Variants in TMEM132B observed in about 807,000 individuals in gnomAD.
TMEM132B encodes transmembrane protein 132B.
A neutral mutation model predicts 90.8 loss-of-function variants in TMEM132B; 18 were observed. The ratio of observed to expected loss-of-function variants is 0.20; its 90% CI spans 0.14 to 0.29. TMEM132B has a LOEUF of 0.29. Ranked by LOEUF, TMEM132B falls within the 10% of genes least tolerant of loss-of-function variation. The pLI is 1.00. For synonymous variants in TMEM132B, 504 were observed against 523.3 expected (o/e 0.96, Z 0.50); for missense variants, 1,096 against 1,326.8 (o/e 0.83, Z 2.70).
intron 4 of TMEM132B, among the ~76,000 whole-genome samples, chr12:125,569,711 A>G (rs1039166860): frequency 2.0e-5 from 3 of 152,174 alleles, no homozygotes; most frequent in Admixed American, 6.5e-5. Flanking sequence ...GCGGGGCACA[A>G]GGAATGAACT....
intron 1 of TMEM132B, among the ~76,000 whole-genome samples, chr12:125,241,424 A>C (rs1162627496): frequency 6.6e-6 from 1 of 152,034 alleles, no homozygotes; most frequent in Non-Finnish European, 1.5e-5. Flanking sequence ...TCATGATGTG[A>C]GTTTTTTCCA....
chr12:125,467,646 A>G (rs1433146184), intron 3 of TMEM132B, among the ~76,000 whole-genome samples: 1 of 152,238 alleles, frequency 6.6e-6, no homozygotes, highest in Non-Finnish European at 1.5e-5. Context: ...TTTAAAGTGT[A>G]CAGTTCAGTG....
Position 125,373,099 on chromosome 12 carries a change from C to T in TMEM132B, c.959+22756C>T, listed in dbSNP as rs1268330177. Among the ~76,000 whole-genome samples the T allele has an allele frequency of 8.5e-5, 13 of 152,312 alleles. No homozygotes were observed. The East Asian group carries it at 2.5e-3, about 29-fold the overall frequency. Reference sequence around the variant, plus strand: ...CCTGAAGTGAAGTTATTTATTTGTTCACTTATTTGTCATCTGTTTCCCCCA... The same window carrying T: ...CCTGAAGTGAAGTTATTTATTTGTTTACTTATTTGTCATCTGTTTCCCCCA... On this transcript the variant is annotated intron_variant, in intron 2 of 8. Transcript: ENST00000682704.
chr12:125,279,329 G>C (rs1044810235), intron 1 of TMEM132B, among the ~76,000 whole-genome samples: 1 of 152,216 alleles, frequency 6.6e-6, no homozygotes, highest in East Asian at 1.9e-4. Flanking sequence ...GTTGACCTTT[G>C]GCTGGTGTTT....
chr12:125,211,058 G>A (rs1470932980), intron 1 of TMEM132B, among the ~76,000 whole-genome samples: 2 of 148,430 alleles, frequency 1.3e-5, no homozygotes, highest in East Asian at 4.0e-4. Context: ...GCAACAGTGA[G>A]ACTCCATCTC....
intron 2 of TMEM132B, among the ~76,000 whole-genome samples, chr12:125,395,137 C>T (rs1879134554): frequency 6.6e-6 from 1 of 152,106 alleles, no homozygotes; most frequent in South Asian, 2.1e-4. Flanking sequence ...CTGTGAGGAC[C>T]CAGGCTAGTT....
intron 3 of TMEM132B, among the ~76,000 whole-genome samples, chr12:125,518,566 A>G (rs1013414797): frequency 2.6e-5 from 4 of 152,128 alleles, no homozygotes; most frequent in Admixed American, 6.5e-5. Flanking sequence ...GTCATTCACA[A>G]TCCTGTGCTG....
chr12:125,600,210 A>G (rs894870387), intron 5 of TMEM132B, among the ~76,000 whole-genome samples: 7 of 152,234 alleles, frequency 4.6e-5, no homozygotes, highest in African/African-American at 1.4e-4. Context: ...CAAGACACAG[A>G]AAACACTGGA....
chr12:125,651,090 C>A, intron 7 of TMEM132B, 137 bp downstream of exon 7: 4 of 1,211,730 alleles, frequency 3.3e-6, no homozygotes, highest in South Asian at 1.5e-5. Context: ...GCATGTATTG[C>A]CTCTGTTTGT....
chr12:125,296,598 C>A (rs558157316), intron 1 of TMEM132B, among the ~76,000 whole-genome samples: 1 of 152,196 alleles, frequency 6.6e-6, no homozygotes, highest in Non-Finnish European at 1.5e-5. Flanking sequence ...TGCTGTTGGT[C>A]TCCCCCAACA....
intron 3 of TMEM132B, among the ~76,000 whole-genome samples, chr12:125,464,745 C>T (rs1204431341): frequency 6.6e-6 from 1 of 152,206 alleles, no homozygotes; most frequent in Non-Finnish European, 1.5e-5. Context: ...CTCAATTGCC[C>T]TGAGCATGAG....
In TMEM132B at chr12:125,283,846, G is replaced by T. The variant is rs541598924; in HGVS notation, c.68-65606G>T. On this transcript the variant is annotated intron_variant, in intron 1 of 8. Transcript: ENST00000682704. ...GGAGTTTCAGTAGTGTTTGCTTGTT[G>T]TCGCAGAATCCTAGATTTCCAGGAC... Among the ~76,000 whole-genome samples the T allele has an allele frequency of 6.6e-5, 10 of 152,340 alleles. 1 individual carries two copies. Among genetic ancestry groups the T allele is most frequent in the Admixed American group, 6.5e-4 (10 of 15,300 alleles).
intron 4 of TMEM132B, among the ~76,000 whole-genome samples, chr12:125,529,943 T>C (rs1883600945): frequency 6.6e-6 from 1 of 152,150 alleles, no homozygotes; most frequent in African/African-American, 2.4e-5. Context: ...CTCATATATA[T>C]ATGGGGCCGC....
At chr12:125,645,154 C>T (rs1177678102) in intron 6 of TMEM132B, among the ~76,000 whole-genome samples, 1 of 142,996 alleles carries the variant, frequency 7.0e-6, no homozygotes. Context: ...GGAGGCGGAG[C>T]TTGCAGTGAG....
chr12:125,463,280 C>G (rs1458787702), intron 3 of TMEM132B, among the ~76,000 whole-genome samples: 2 of 152,164 alleles, frequency 1.3e-5, no homozygotes, highest in Non-Finnish European at 2.9e-5. Flanking sequence ...TCCCTTGAGA[C>G]TGAGTAGGAA....
chr12:125,191,229 G>A (rs1872780650), intron 1 of TMEM132B, among the ~76,000 whole-genome samples: 2 of 150,108 alleles, frequency 1.3e-5, no homozygotes. Flanking sequence ...AAGGGGTGGT[G>A]GTGGTGATGG....
chr12:125,653,986 T>C lies in TMEM132B; in HGVS notation c.2528T>C (p.Val843Ala). ...GAATGGTTCCACCGTGGCACACCTG[T>C]TGGCCAAGAGGAAAGTACCAACAAA... Reference protein sequence around the residue: ...VQEWFHRGTPVGQEESTNKST... With the variant: ...VQEWFHRGTPAGQEESTNKST... Residue 843 changes from valine to alanine, a missense_variant, in exon 9 of 9, where the codon GTT becomes GCT. Val to Ala is a moderately conservative substitution (Grantham distance 64). Transcript: ENST00000682704. The C allele has an allele frequency of 6.2e-6, 10 of 1,614,152 alleles. No homozygotes were observed. The highest frequency in any genetic ancestry group is 8.5e-6 in the Non-Finnish European group (10 of 1,180,020).
At chr12:125,444,332 G>GTT (rs1452320122) in intron 3 of TMEM132B, among the ~76,000 whole-genome samples, 1 of 151,924 alleles carries the variant, frequency 6.6e-6, no homozygotes, top group Non-Finnish European at 1.5e-5. Context: ...AATTTTTTAT[G>GTT]TTCTATATAA....
At chr12:125,236,563 G>A (rs1873940452) in intron 1 of TMEM132B, among the ~76,000 whole-genome samples, 1 of 152,196 alleles carries the variant, frequency 6.6e-6, no homozygotes, top group African/African-American at 2.4e-5. Context: ...GAGACCCATG[G>A]AGTCCTTTAC....
Sources: gnomAD v4.1 joint callset for allele counts (sites outside exome capture counted in the v4.1 genomes callset) on GRCh38, gnomAD v4.1.1 for gene constraint, MANE v1.5 for transcripts, NCBI Gene and HGNC (gene_info 2026-07-23, HGNC 2026-07-21) for gene names.